ABHD5: variants seen among roughly 807,000 people sequenced by gnomAD.
The protein encoded by ABHD5 is 1-acylglycerol-3-phosphate O-acyltransferase ABHD5.
A neutral mutation model predicts 44.9 loss-of-function variants in ABHD5; 30 were observed. The observed-to-expected ratio is 0.67, with a 90% confidence interval of 0.50 to 0.91. The LOEUF is 0.91. Among genes scored for constraint, ABHD5 ranks in the 40% least tolerant of loss-of-function variants. The probability of loss-of-function intolerance (pLI) is 0.00; values close to 1 mark genes in which losing one functional copy is unlikely to be tolerated. For synonymous variants in ABHD5, 167 were observed against 147.0 expected (o/e 1.14, Z -0.99); for missense variants, 399 against 423.4 (o/e 0.94, Z 0.50).
intron 3 of ABHD5, among the ~76,000 whole-genome samples, chr3:43,708,465 T>C (rs2084649456): frequency 6.6e-6 from 1 of 152,242 alleles, no homozygotes; most frequent in Admixed American, 6.5e-5. Flanking sequence ...GGGACCTTGG[T>C]CTGGTGCAAC....
intron 2 of ABHD5, among the ~76,000 whole-genome samples, chr3:43,700,740 A>ATTTTTTTTTT (rs1361660825): frequency 1.1e-4 from 16 of 151,210 alleles, no homozygotes; most frequent in South Asian, 4.2e-4. Flanking sequence ...TACCCAGCTA[A>ATTTTTTTTTT]TTTTTGTATT....
downstream of ABHD5, among the ~76,000 whole-genome samples, chr3:43,724,254 C>T (rs779796792): frequency 8.6e-5 from 13 of 151,934 alleles, no homozygotes; most frequent in African/African-American, 1.2e-4. Context: ...TGGAGGGAAC[C>T]CTTGTGAATA....
At chr3:43,725,647 A>T (rs2084872315), downstream of ABHD5, among the ~76,000 whole-genome samples, 1 of 152,200 alleles carries the variant, frequency 6.6e-6, no homozygotes, top group African/African-American at 2.4e-5. Context: ...AAGAGGGGTC[A>T]CTTGGCTAAC....
In ABHD5 at chr3:43,702,687, A is replaced by G. The variant is rs911917050; in HGVS notation, c.506+100A>G. On this transcript the variant is annotated intron_variant, in intron 3 of 6. Coordinates refer to ENST00000644371, the MANE Select transcript of ABHD5 (RefSeq NM_016006.6). ...GTTGTTAGTGTCTGAGCCACAAGGC[A>G]GACATTCTCTTAAAGGACCCTATAG... 10 of 1,576,900 alleles carry G rather than the reference A, an allele frequency of 6.3e-6. No individual in the cohort carries two copies. In the African/African-American group the frequency reaches 9.4e-5, roughly 15 times the overall value.
At chr3:43,718,003 A>G in intron 6 of ABHD5, 146 bp downstream of exon 6, 1 of 1,020,610 alleles carries the variant, frequency 9.8e-7, no homozygotes, top group African/African-American at 1.6e-5. Context: ...ACCACCTGTG[A>G]TGGGTGCAGG....
At chr3:43,707,549 T>G (rs1229618422) in intron 3 of ABHD5, 4 of 152,232 alleles carry the variant, frequency 2.6e-5, no homozygotes, top group African/African-American at 9.7e-5. Context: ...AATGCCTCCT[T>G]TGTGCATTGA....
At chr3:43,725,834 A>G (rs1012603238), downstream of ABHD5, among the ~76,000 whole-genome samples, 1 of 151,458 alleles carries the variant, frequency 6.6e-6, no homozygotes, top group Non-Finnish European at 1.5e-5. Context: ...AGGTTCATTA[A>G]GGGCTGTTTC....
At chr3:43,703,889 T>C (rs1354766135) in intron 3 of ABHD5, among the ~76,000 whole-genome samples, 1 of 152,158 alleles carries the variant, frequency 6.6e-6, no homozygotes, top group Non-Finnish European at 1.5e-5. Flanking sequence ...ATCTAAACTT[T>C]AGCATTTACA....
Position 43,718,525 on chromosome 3 carries a change from T to C in ABHD5, c.1043T>C (p.Val348Ala). Residue 348 changes from valine to alanine, a missense_variant, in exon 7 of 7, where the codon GTG becomes GCG. Transcript: ENST00000644371. Reference protein sequence around the residue: ...NQKVKEICDTVD With the variant: ...NQKVKEICDTAD ...AAAGTAAAGGAGATCTGCGACACTG[T>C]GGACTGAACACACTGAAGCTCTGAT... is the stretch of plus-strand genomic sequence containing the variant. 3 of 1,614,026 alleles carry C rather than the reference T, an allele frequency of 1.9e-6. No homozygotes were observed. Among genetic ancestry groups the C allele is most frequent in the Non-Finnish European group, 2.5e-6 (3 of 1,179,894 alleles).
chr3:43,704,351 T>C (rs1418414137), intron 3 of ABHD5, among the ~76,000 whole-genome samples: 1 of 152,216 alleles, frequency 6.6e-6, no homozygotes, highest in Non-Finnish European at 1.5e-5. Context: ...GTTACTTTCT[T>C]TTATTGTGTC....
chr3:43,702,010 TAG>T, intron 2 of ABHD5: 1 of 528,090 alleles, frequency 1.9e-6, no homozygotes, highest in Non-Finnish European at 3.3e-6. Context: ...TTGTCTGAGG[TAG>T]GTCTTCCCCT....
chr3:43,717,965 T>C, intron 6 of ABHD5, 108 bp downstream of exon 6: 27 of 1,417,776 alleles, frequency 1.9e-5, no homozygotes, highest in Non-Finnish European at 2.7e-5. Flanking sequence ...ATCTGAGCCA[T>C]ACCTGCAGCC....
In ABHD5 at chr3:43,721,195, A is replaced by G. The variant is rs1350838897; in HGVS notation, c.*2663A>G. 2.0e-5 allele frequency: 3 copies of G among 152,184 alleles called. No individual in the cohort carries two copies. The highest frequency in any genetic ancestry group is 1.9e-4 in the East Asian group (1 of 5,198). 9.4% of individuals were successfully genotyped at this position (152,184 alleles called of 1,614,324 possible). A position where few individuals can be genotyped will look rare whatever the true frequency, so the allele number is the denominator to read the frequency against. On this transcript the variant is annotated 3_prime_UTR_variant, in exon 7 of 7. Coordinates refer to ENST00000644371, the MANE Select transcript of ABHD5 (RefSeq NM_016006.6). Reference sequence around the variant, plus strand: ...ATGATAAAGCATCTCATTCAGAGAAAAAGGCTTTAAAAATGGTGTTGAGAG... The same window carrying G: ...ATGATAAAGCATCTCATTCAGAGAAGAAGGCTTTAAAAATGGTGTTGAGAG...
At chr3:43,717,289 G>A (rs1031323932) in intron 5 of ABHD5, among the ~76,000 whole-genome samples, 1 of 152,192 alleles carries the variant, frequency 6.6e-6, no homozygotes, top group Admixed American at 6.5e-5. Flanking sequence ...ACTTGGTAAT[G>A]GTTTTAGCAT....
At chr3:43,694,714 G>C (rs73829509) in intron 1 of ABHD5, among the ~76,000 whole-genome samples, 4,200 of 145,900 alleles carry the variant, frequency 0.029, 185 homozygotes, top group African/African-American at 0.1. Context: ...TTACAGGTTG[G>C]GGGGGGAGGG....
At chr3:43,727,731 C>T (rs2084887274) in intron 7 of ABHD5, among the ~76,000 whole-genome samples, 1 of 152,152 alleles carries the variant, frequency 6.6e-6, no homozygotes, top group African/African-American at 2.4e-5. Context: ...GCTTCCGCCT[C>T]CCTAGTAGCT....
chr3:43,700,302 T>G (rs773070363), intron 2 of ABHD5, among the ~76,000 whole-genome samples: 1 of 152,216 alleles, frequency 6.6e-6, no homozygotes, highest in Non-Finnish European at 1.5e-5. Flanking sequence ...CCCAAACTTG[T>G]ACCATCAGGG....
At chr3:43,723,425 A>G (rs996458379), downstream of ABHD5, among the ~76,000 whole-genome samples, 1 of 152,248 alleles carries the variant, frequency 6.6e-6, no homozygotes, top group African/African-American at 2.4e-5. Context: ...TGCTAAAAGC[A>G]TGAAATGAAA....
rs764691568 is a variant in ABHD5 at position 43,699,367 on chromosome 3, G to T, written c.133+6G>T. The T allele has an allele frequency of 1.2e-6, 2 of 1,608,570 alleles. No homozygotes were observed. The highest frequency in any genetic ancestry group is 1.7e-6 in the Non-Finnish European group (2 of 1,175,070). ...TGAAGAGAAGATGTTAAAATGTAAG[G>T]CTTTCTTCTTGTAAGTTAAATGAGC... On this transcript the variant is annotated splice_donor_region_variant and intron_variant, in intron 2 of 6. Transcript: ENST00000644371.
Sources: gnomAD v4.1 joint callset for allele counts (sites outside exome capture counted in the v4.1 genomes callset) on GRCh38, gnomAD v4.1.1 for gene constraint, MANE v1.5 for transcripts, NCBI Gene and HGNC (gene_info 2026-07-23, HGNC 2026-07-21) for gene names.